Variants in MACROH2A1 observed in about 807,000 individuals in gnomAD.
MACROH2A1 encodes macroH2A.1 histone.
In MACROH2A1, 2 loss-of-function variants were observed where a neutral mutation model predicts 31.6. That is an observed-to-expected ratio of 0.06 (90% CI 0.03 to 0.20). MACROH2A1 has a LOEUF of 0.20. MACROH2A1 is among the 10% of genes least tolerant of loss of function. The pLI, the probability that MACROH2A1 is intolerant of heterozygous loss-of-function variation, is 1.00. For missense variants in MACROH2A1, 230 were observed against 474.0 expected (o/e 0.49, Z 4.78); for synonymous variants, 169 against 189.6 (o/e 0.89, Z 0.89).
intron 8 of MACROH2A1, among the ~76,000 whole-genome samples, chr5:135,337,367 CCCATG>C (rs761988374): frequency 6.6e-6 from 1 of 152,210 alleles, no homozygotes; most frequent in Non-Finnish European, 1.5e-5. Flanking sequence ...CTGGCCCATG[CCCATG>C]CCATGCCATG....
chr5:135,346,200 TTAA>T, intron 6 of MACROH2A1, 143 bp from the exon 7 acceptor site: 1 of 644,688 alleles, frequency 1.6e-6, no homozygotes. Flanking sequence ...CTTGGCTAAG[TTAA>T]TAAAGTAAAA....
At position 135,398,641 on chromosome 5, in the gene MACROH2A1, C is replaced by T. The variant is rs1768389794; in HGVS notation, c.-34+421G>A. On this transcript the variant is annotated intron_variant, in intron 1 of 8. Coordinates refer to ENST00000511689, the MANE Select transcript of MACROH2A1 (RefSeq NM_138610.3). This position sits in a 1 kb window ranked among gnomAD's most constrained non-coding sequence, Gnocchi z 4.6. ...CCGGCGGGGGCCTCACCAAGTACAA[C>T]TCTGCTCACAGCAGCTCCCGGGTGC... 6.6e-6 allele frequency among the ~76,000 whole-genome samples: 1 copy of T among 152,182 alleles called. No individual in the cohort carries two copies. Among genetic ancestry groups the T allele is most frequent in the South Asian group, 2.1e-4 (1 of 4,832 alleles).
intron 1 of MACROH2A1, among the ~76,000 whole-genome samples, chr5:135,396,681 T>C (rs1385342314): frequency 3.9e-5 from 6 of 151,948 alleles, no homozygotes; most frequent in African/African-American, 1.5e-4. Flanking sequence ...CGTGGGGCCT[T>C]TTGCACTGAT....
intron 5 of MACROH2A1, chr5:135,353,267 G>A: frequency 2.0e-6 from 1 of 508,450 alleles, no homozygotes; most frequent in South Asian, 2.5e-5. Context: ...GAGCCCGTGG[G>A]TGGCACCTGG....
chr5:135,387,042 T>C (rs140353200), intron 2 of MACROH2A1, among the ~76,000 whole-genome samples: 1 of 152,268 alleles, frequency 6.6e-6, no homozygotes, highest in Non-Finnish European at 1.5e-5. Context: ...TGTAAGGAAA[T>C]TGGGGTCCAG....
intron 2 of MACROH2A1, among the ~76,000 whole-genome samples, chr5:135,382,885 TAGG>T (rs2149920385): frequency 6.6e-6 from 1 of 152,326 alleles, no homozygotes; most frequent in East Asian, 1.9e-4. Context: ...ATGGACTCTT[TAGG>T]AGGACCATGA....
At chr5:135,359,921 C>T in intron 5 of MACROH2A1, 1 of 984,936 alleles carries the variant, frequency 1.0e-6, no homozygotes, top group Non-Finnish European at 1.2e-6. Flanking sequence ...GGCGTCCTGG[C>T]AAAGTTGCAT....
Position 135,369,148 on chromosome 5 carries a change from C to T in MACROH2A1, c.477+258G>A, listed in dbSNP as rs560000152. Among the ~76,000 whole-genome samples, 141 of 152,312 alleles carry T rather than the reference C, an allele frequency of 9.3e-4. 1 individual carries two copies. Among genetic ancestry groups the T allele is most frequent in the African/African-American group, 3.2e-3 (134 of 41,580 alleles). On this transcript the variant is annotated intron_variant, in intron 4 of 8. Transcript: ENST00000511689. This position sits in a 1 kb window ranked among gnomAD's most constrained non-coding sequence, Gnocchi z 4.3. ...GGAGTCCTTCCAGCTTGACACTATC[C>T]CTGAAAGCCCACCACCCATCCCCCT... is the stretch of plus-strand genomic sequence containing the variant.
rs374790214 is a variant in MACROH2A1 at position 135,358,187 on chromosome 5, G to A, written c.588+2310C>T. Reference sequence around the variant, plus strand: ...CCATGATTTTCACCTGACAGTAATAGCCAATAAAAAGCCAGAAAGTAATGC... The same window carrying A: ...CCATGATTTTCACCTGACAGTAATAACCAATAAAAAGCCAGAAAGTAATGC... On this transcript the variant is annotated intron_variant, in intron 5 of 8. Transcript: ENST00000511689. The A allele has an allele frequency of 1.4e-5, 14 of 985,024 alleles. No individual in the cohort carries two copies. In the African/African-American group the frequency reaches 2.1e-4, roughly 15 times the overall value. 61.0% of individuals were successfully genotyped at this position (985,024 alleles called of 1,614,324 possible).
At chr5:135,354,783 T>C in intron 5 of MACROH2A1, 1 of 332,956 alleles carries the variant, frequency 3.0e-6, no homozygotes, top group South Asian at 2.5e-5. Context: ...TTTTACTCTA[T>C]TATTTAGTTC....
In MACROH2A1 at chr5:135,354,934, C is replaced by T. The variant is rs1009024700; in HGVS notation, c.589-1889G>A. The T allele has an allele frequency of 1.6e-5, 6 of 373,246 alleles. No homozygotes were observed. The Admixed American group carries it at 1.7e-4, about 10-fold the overall frequency. 23.1% of individuals were successfully genotyped at this position (373,246 alleles called of 1,614,324 possible). ...AAGGCAGGCAAAGGAGAAAAAGACT[C>T]GATCTACTCAGTGTAATGTGGATGT... On this transcript the variant is annotated intron_variant, in intron 5 of 8. Transcript: ENST00000511689.
chr5:135,375,616 A>G (rs1764759265), intron 2 of MACROH2A1, among the ~76,000 whole-genome samples: 1 of 152,196 alleles, frequency 6.6e-6, no homozygotes, highest in African/African-American at 2.4e-5. Flanking sequence ...AACTCTAAAC[A>G]CAACCCTTGC....
At chr5:135,367,371 C>T (rs536650542) in intron 4 of MACROH2A1, among the ~76,000 whole-genome samples, 96 of 152,292 alleles carry the variant, frequency 6.3e-4, no homozygotes, top group Non-Finnish European at 1.0e-3. Flanking sequence ...TAACAGGCTT[C>T]CTGCTTTTGT....
chr5:135,360,527 G>A lies in MACROH2A1; in HGVS notation c.558C>T (p.Leu186=). The A allele has an allele frequency of 2.5e-6, 4 of 1,613,512 alleles. No individual in the cohort carries two copies. The highest frequency in any genetic ancestry group is 1.7e-6 in the Non-Finnish European group (2 of 1,179,438). The change falls in exon 5 of 9, where the codon CTC becomes CTT. Residue 186 remains leucine, a synonymous_variant. Coordinates refer to ENST00000511689, the MANE Select transcript of MACROH2A1 (RefSeq NM_138610.3). ...EGTPADGFTV[L]STKSLFLGQK... is the part of the protein sequence containing the mutation. ...GGCCAAGGAAGAGGCTCTTGGTGGA[G>A]AGGACTGTGAAGCCGTCGGCAGGTG...
At chr5:135,383,693 G>A (rs1023069254) in intron 2 of MACROH2A1, among the ~76,000 whole-genome samples, 4 of 143,768 alleles carry the variant, frequency 2.8e-5, no homozygotes, top group Admixed American at 1.4e-4. Context: ...CCTGTGTGAT[G>A]TGGTGTGGTG....
At chr5:135,370,545 T>TTA (rs59282715) in intron 2 of MACROH2A1, among the ~76,000 whole-genome samples, 28,309 of 152,094 alleles carry the variant, frequency 0.19, 5,693 homozygotes, top group African/African-American at 0.5. Context: ...CCATGCCTGC[T>TTA]TAGAGTTTCA....
intron 4 of MACROH2A1, among the ~76,000 whole-genome samples, chr5:135,367,521 G>A (rs985651568): frequency 2.0e-5 from 3 of 152,196 alleles, no homozygotes; most frequent in African/African-American, 7.2e-5. Flanking sequence ...AATTCCTAGT[G>A]TTTACTAAAT....
At chr5:135,353,130 T>C in intron 5 of MACROH2A1, 85 bp from the exon 6 acceptor site, 1 of 851,650 alleles carries the variant, frequency 1.2e-6, no homozygotes, top group South Asian at 1.4e-5. Flanking sequence ...TAAAGGACAG[T>C]GGACACTCCA....
At chr5:135,339,297 T>C (rs1037377498) in intron 8 of MACROH2A1, among the ~76,000 whole-genome samples, 4 of 152,166 alleles carry the variant, frequency 2.6e-5, no homozygotes, top group Non-Finnish European at 4.4e-5. Flanking sequence ...GGTGTACGCA[T>C]TGGATGCTTG....
Sources: allele counts gnomAD v4.1 joint callset (sites outside exome capture counted in the v4.1 genomes callset), GRCh38; gene constraint gnomAD v4.1.1; non-coding constraint Gnocchi (gnomAD v3.1); transcripts MANE v1.5; gene names NCBI Gene and HGNC (gene_info 2026-07-23, HGNC 2026-07-21).